Variants in LRRC72 observed in about 807,000 individuals in gnomAD.
The protein encoded by LRRC72 is leucine-rich repeat-containing protein 72.
LRRC72 carries 41 observed loss-of-function variants against 35.8 expected under a neutral mutation model. The observed-to-expected ratio is 1.15, with a 90% CI of 0.89 to 1.49. The LOEUF (loss-of-function observed/expected upper bound fraction) is 1.49, where lower values mean the gene tolerates loss of function less well. Among genes scored for constraint, LRRC72 ranks in the 40% most tolerant of loss-of-function variants. The pLI, the probability that LRRC72 is intolerant of heterozygous loss-of-function variation, is 0.00. For synonymous variants in LRRC72, 118 were observed against 119.2 expected (o/e 0.99, Z 0.07); for missense variants, 389 against 330.7 (o/e 1.18, Z -1.37).
intron 3 of LRRC72, among the ~76,000 whole-genome samples, chr7:16,538,462 G>A (rs568157579): frequency 6.6e-5 from 10 of 152,178 alleles, no homozygotes; most frequent in African/African-American, 2.4e-4. Flanking sequence ...TTTATCCCAG[G>A]GTTACTTAAA....
In LRRC72 at chr7:16,542,070, A is replaced by G. The variant is rs187538289; in HGVS notation, c.234+4374A>G. Among the ~76,000 whole-genome samples, 384 of 152,298 alleles carry G rather than the reference A, an allele frequency of 2.5e-3. 2 individuals are homozygous for G. Among genetic ancestry groups the G allele is most frequent in the African/African-American group, 8.8e-3 (367 of 41,572 alleles). On this transcript the variant is annotated intron_variant, in intron 3 of 8. Coordinates refer to ENST00000401542, the MANE Select transcript of LRRC72 (RefSeq NM_001195280.2). ...TAATCTGTTTTTACTGTGTGTTCCC[A>G]TGGTGTTCAGTGGTGTCCAGTTTGG...
chr7:16,562,287 C>T (rs997671074), intron 5 of LRRC72, among the ~76,000 whole-genome samples: 1 of 152,232 alleles, frequency 6.6e-6, no homozygotes, highest in African/African-American at 2.4e-5. Flanking sequence ...AATCAGAATC[C>T]ACATGTGTCA....
intron 7 of LRRC72, among the ~76,000 whole-genome samples, chr7:16,572,715 T>A (rs541092052): frequency 7.5e-4 from 114 of 152,274 alleles, no homozygotes; most frequent in African/African-American, 1.9e-3. Context: ...GGGCAAAAAC[T>A]GGAAGCATTC....
chr7:16,532,769 G>A (rs1042961467), intron 2 of LRRC72: 12 of 635,878 alleles, frequency 1.9e-5, no homozygotes, highest in Non-Finnish European at 3.5e-5. Flanking sequence ...AAAAAATTAT[G>A]GAGACAGGCT....
intron 3 of LRRC72, among the ~76,000 whole-genome samples, chr7:16,548,438 G>T (rs1404714989): frequency 6.6e-6 from 1 of 152,170 alleles, no homozygotes; most frequent in Non-Finnish European, 1.5e-5. Context: ...CCAGACCTAG[G>T]AGCTCCCCAA....
intron 6 of LRRC72, 127 bp downstream of exon 6, chr7:16,566,529 T>A: frequency 1.9e-6 from 1 of 537,656 alleles, no homozygotes; most frequent in East Asian, 3.3e-5. Context: ...ATTGTCTTTT[T>A]AATGGAAGTT....
intron 7 of LRRC72, among the ~76,000 whole-genome samples, chr7:16,574,195 C>T (rs866830045): frequency 2.0e-5 from 3 of 152,116 alleles, no homozygotes; most frequent in Non-Finnish European, 4.4e-5. Context: ...CTTTTACACT[C>T]TTGGGGCAGT....
rs908022576 is a variant in LRRC72, at chr7:16,539,053, C to G, written c.234+1357C>G. On this transcript the variant is annotated intron_variant, in intron 3 of 8. Transcript: ENST00000401542. ...TGAATATGTGGAAGTAACTTTGGAA[C>G]TGAGTAACAGGCAGAGGTTGGTGGA... Among the ~76,000 whole-genome samples, 4 of 152,274 alleles carry G rather than the reference C, an allele frequency of 2.6e-5. No homozygotes were observed. In the South Asian group the frequency reaches 6.2e-4, roughly 24 times the overall value.
chr7:16,546,720 G>A (rs1782448932), intron 3 of LRRC72, among the ~76,000 whole-genome samples: 5 of 152,008 alleles, frequency 3.3e-5, no homozygotes, highest in South Asian at 4.2e-4. Context: ...GCCACCCCAG[G>A]CACTGGGGTG....
chr7:16,573,855 A>G (rs541849641), intron 7 of LRRC72, among the ~76,000 whole-genome samples: 1 of 152,362 alleles, frequency 6.6e-6, no homozygotes, highest in African/African-American at 2.4e-5. Flanking sequence ...CTGTCATCAG[A>G]GTGAATAGGC....
At chr7:16,530,821 G>A (rs1309474523) in intron 1 of LRRC72, among the ~76,000 whole-genome samples, 6 of 152,116 alleles carry the variant, frequency 3.9e-5, no homozygotes, top group Non-Finnish European at 7.4e-5. Context: ...CTTTGGCTGG[G>A]CTATAACCAC....
intron 1 of LRRC72, among the ~76,000 whole-genome samples, chr7:16,527,600 G>T (rs1782093204): frequency 6.6e-6 from 1 of 151,968 alleles, no homozygotes; most frequent in South Asian, 2.1e-4. Flanking sequence ...ATGATTAAAA[G>T]AATATTTGGA....
chr7:16,557,994 G>C (rs902830117), intron 4 of LRRC72, among the ~76,000 whole-genome samples: 1 of 140,866 alleles, frequency 7.1e-6, no homozygotes, highest in Non-Finnish European at 1.5e-5. Context: ...ATGATGTCAT[G>C]CACCGCTAAG....
rs771439891 is a variant in LRRC72 at position 16,561,097 on chromosome 7, TATTC to T, written c.427+2110_427+2113del. 9.2e-5 allele frequency among the ~76,000 whole-genome samples: 14 copies of T among 152,286 alleles called. No homozygotes were observed. In the East Asian group the frequency reaches 2.1e-3, roughly 23 times the overall value. The stretch of plus-strand genomic sequence containing the variant: ...ATTCATTCAATAAATATTTATAATC[TATTC>T]ATTCATTCATTTAATAAATGTTTAT... On this transcript the variant is annotated intron_variant, in intron 5 of 8. Coordinates refer to ENST00000401542, the MANE Select transcript of LRRC72 (RefSeq NM_001195280.2).
chr7:16,569,360 A>G (rs1161067651), intron 7 of LRRC72, among the ~76,000 whole-genome samples: 1 of 152,050 alleles, frequency 6.6e-6, no homozygotes, highest in Non-Finnish European at 1.5e-5. Flanking sequence ...TGGGAGGCGG[A>G]GGTTGCAGTG....
intron 1 of LRRC72, among the ~76,000 whole-genome samples, chr7:16,531,330 C>G (rs1422202292): frequency 1.3e-5 from 2 of 152,270 alleles, no homozygotes; most frequent in Middle Eastern, 3.4e-3. Flanking sequence ...TAAACCTGAG[C>G]CTATGAATGC....
chr7:16,539,268 C>A (rs1406836745), intron 3 of LRRC72, among the ~76,000 whole-genome samples: 1 of 152,164 alleles, frequency 6.6e-6, no homozygotes, highest in South Asian at 2.1e-4. Flanking sequence ...TATGCTTTAG[C>A]AAAGAAACTG....
chr7:16,566,390 C>A lies in LRRC72; in HGVS notation c.505C>A (p.Leu169Ile), dbSNP rs2128338157. Residue 169 changes from leucine to isoleucine, a missense_variant, in exon 6 of 9, where the codon CTT becomes ATT. Transcript: ENST00000401542. ...CTACCACCTTCCAGGAGTGGAGCTG[C>A]TTGACCGAAATCGTAAGGACCCTTC... is the stretch of plus-strand genomic sequence containing the variant. ...IIYHLPGVEL[L>I]DRNQVTEKER... 6.5e-7 allele frequency: 1 copy of A among 1,543,922 alleles called. No homozygotes were observed. Among genetic ancestry groups the A allele is most frequent in the South Asian group, 1.2e-5 (1 of 82,404 alleles).
intron 3 of LRRC72, among the ~76,000 whole-genome samples, chr7:16,553,226 G>T (rs75583559): frequency 0.016 from 2,455 of 152,208 alleles, 70 homozygotes; most frequent in African/African-American, 0.056. Context: ...TTTCAAATTA[G>T]TAACTTCTGG....
Sources: allele counts gnomAD v4.1 joint callset (sites outside exome capture counted in the v4.1 genomes callset), GRCh38; gene constraint gnomAD v4.1.1; transcripts MANE v1.5; gene names NCBI Gene and HGNC (gene_info 2026-07-23, HGNC 2026-07-21).